KCMF1: variants seen among roughly 807,000 people sequenced by gnomAD.
KCMF1 encodes the protein potassium channel modulatory factor 1, also known as E3 ubiquitin-protein ligase KCMF1.
KCMF1 carries 3 observed loss-of-function variants against 41.1 expected under a neutral mutation model. That is an observed-to-expected ratio of 0.07 (90% CI 0.03 to 0.19). The LOEUF is 0.19. KCMF1 is among the 10% of genes least tolerant of loss of function. The pLI, the probability that KCMF1 is intolerant of heterozygous loss-of-function variation, is 1.00. For synonymous variants in KCMF1, 142 were observed against 164.5 expected (o/e 0.86, Z 1.04); for missense variants, 286 against 488.9 (o/e 0.58, Z 3.91).
At chr2:85,005,341 T>C (rs1426682952) in intron 1 of KCMF1, among the ~76,000 whole-genome samples, 1 of 151,934 alleles carries the variant, frequency 6.6e-6, no homozygotes, top group African/African-American at 2.4e-5. Flanking sequence ...CAGGCTGGAG[T>C]GCAGTGGCAC....
chr2:84,974,131 G>A (rs1219633014), intron 1 of KCMF1, among the ~76,000 whole-genome samples: 1 of 152,018 alleles, frequency 6.6e-6, no homozygotes, highest in Non-Finnish European at 1.5e-5. Flanking sequence ...CCCAGCCTCC[G>A]TGTTTCTTTA....
intron 1 of KCMF1, among the ~76,000 whole-genome samples, chr2:84,996,839 T>C (rs1674188238): frequency 6.6e-6 from 1 of 152,170 alleles, no homozygotes; most frequent in South Asian, 2.1e-4. Flanking sequence ...GGATACGTGC[T>C]GAGAAATGCA....
intron 1 of KCMF1, among the ~76,000 whole-genome samples, chr2:84,989,712 A>C (rs544717608): frequency 6.6e-6 from 1 of 152,316 alleles, no homozygotes; most frequent in East Asian, 1.9e-4. Flanking sequence ...GTTGCCATTC[A>C]TCATGATGCA....
chr2:85,001,250 C>CA (rs1227256781), intron 1 of KCMF1, among the ~76,000 whole-genome samples: 1 of 151,924 alleles, frequency 6.6e-6, no homozygotes. Flanking sequence ...CTCTGCCTCC[C>CA]AGGTTCAAGT....
intron 1 of KCMF1, among the ~76,000 whole-genome samples, chr2:84,977,386 C>T (rs1309969778): frequency 6.6e-6 from 1 of 152,148 alleles, no homozygotes; most frequent in Non-Finnish European, 1.5e-5. Flanking sequence ...ACTTATTGTA[C>T]TTTAACTGTA....
At chr2:85,036,104 T>C (rs931774143) in intron 3 of KCMF1, among the ~76,000 whole-genome samples, 5 of 152,170 alleles carry the variant, frequency 3.3e-5, no homozygotes, top group African/African-American at 9.7e-5. Context: ...GCATATAATA[T>C]AGGGTTACTT....
chr2:85,019,361 C>CTAA (rs1325877029), intron 1 of KCMF1, among the ~76,000 whole-genome samples: 1 of 152,100 alleles, frequency 6.6e-6, no homozygotes, highest in East Asian at 1.9e-4. Context: ...GAGAGTCATT[C>CTAA]TAAAGGGGAC....
chr2:84,992,327 C>G (rs1473822341), intron 1 of KCMF1, among the ~76,000 whole-genome samples: 1 of 152,062 alleles, frequency 6.6e-6, no homozygotes, highest in Non-Finnish European at 1.5e-5. Context: ...GCGATCTCGG[C>G]TCACTGCAAC....
intron 1 of KCMF1, among the ~76,000 whole-genome samples, chr2:84,993,709 G>A (rs1464084885): frequency 6.6e-6 from 1 of 151,546 alleles, no homozygotes; most frequent in African/African-American, 2.4e-5. Context: ...CCGAGTAGCT[G>A]GGATTACAGG....
At chr2:85,043,401 ACAGTTCTTG>A (rs1395764213) in intron 3 of KCMF1, among the ~76,000 whole-genome samples, 154 bp from the exon 4 acceptor site, 1 of 152,196 alleles carries the variant, frequency 6.6e-6, no homozygotes, top group East Asian at 1.9e-4. Context: ...CCTTGTGTGA[ACAGTTCTTG>A]CTTAGGTTTC....
rs143572132 is a variant in KCMF1 at position 85,056,102 on chromosome 2, C to T, written c.*2693C>T. 2.7e-5 allele frequency: 4 copies of T among 147,972 alleles called. No homozygotes were observed. The highest frequency in any genetic ancestry group is 6.7e-5 in the Admixed American group (1 of 14,988). The allele number at this position is 147,972 out of a possible 1,614,324, so 9.2% of individuals were successfully genotyped here. On this transcript the variant is annotated 3_prime_UTR_variant, in exon 7 of 7. Transcript: ENST00000409785. ...CCGTGAAATCTTTGTATTTATATTG[C>T]ATTGTTTTGTTAAAAAAAAAAAAAT...
At chr2:85,000,947 G>A (rs965829480) in intron 1 of KCMF1, among the ~76,000 whole-genome samples, 1 of 150,014 alleles carries the variant, frequency 6.7e-6, no homozygotes, top group Non-Finnish European at 1.5e-5. Flanking sequence ...CCCAGCTAAA[G>A]TTTTGGGTTT....
intron 2 of KCMF1, among the ~76,000 whole-genome samples, chr2:85,030,688 T>C (rs950206862): frequency 6.6e-6 from 1 of 152,170 alleles, no homozygotes; most frequent in African/African-American, 2.4e-5. Flanking sequence ...CACATTGATC[T>C]ATATGCCTGG....
At chr2:85,003,146 C>A (rs558591939) in intron 1 of KCMF1, among the ~76,000 whole-genome samples, 2 of 152,200 alleles carry the variant, frequency 1.3e-5, no homozygotes, top group East Asian at 3.9e-4. Flanking sequence ...ATTGTTTTAT[C>A]CAAAGGCAAA....
At chr2:84,972,979 C>T (rs1002995278) in intron 1 of KCMF1, among the ~76,000 whole-genome samples, 3 of 152,120 alleles carry the variant, frequency 2.0e-5, no homozygotes, top group Admixed American at 6.6e-5. Flanking sequence ...TCTGCTTAAT[C>T]GAAATGTATC....
Position 85,056,761 on chromosome 2 carries a change from T to C in KCMF1, c.*3352T>C, listed in dbSNP as rs1675941925. On this transcript the variant is annotated 3_prime_UTR_variant, in exon 7 of 7. Coordinates refer to ENST00000409785, the MANE Select transcript of KCMF1 (RefSeq NM_020122.5). ...CTAAGTGTGATGGAGGAATGGGTGCTAAAAGCTCTTAACAGTTTTGTAGAG... is the reference window on the plus strand; with the variant it reads ...CTAAGTGTGATGGAGGAATGGGTGCCAAAAGCTCTTAACAGTTTTGTAGAG... 6.6e-6 allele frequency: 1 copy of C among 152,008 alleles called. No homozygotes were observed. The highest frequency in any genetic ancestry group is 6.5e-5 in the Admixed American group (1 of 15,282). 9.4% of individuals were successfully genotyped at this position (152,008 alleles called of 1,614,324 possible).
chr2:85,037,579 C>T (rs1451577021), intron 3 of KCMF1, among the ~76,000 whole-genome samples: 1 of 152,162 alleles, frequency 6.6e-6, no homozygotes, highest in Non-Finnish European at 1.5e-5. Flanking sequence ...CCCTCTCACC[C>T]CTCAATGTTT....
intron 1 of KCMF1, among the ~76,000 whole-genome samples, chr2:84,990,176 C>T (rs1478348878): frequency 6.6e-6 from 1 of 152,174 alleles, no homozygotes; most frequent in African/African-American, 2.4e-5. Context: ...AAGGAGTGGG[C>T]TGGACCCAGA....
chr2:85,038,956 G>T (rs1675463648), intron 3 of KCMF1, among the ~76,000 whole-genome samples: 1 of 152,236 alleles, frequency 6.6e-6, no homozygotes, highest in Admixed American at 6.5e-5. Flanking sequence ...TTGTCTGCAA[G>T]TGATCCCCCT....
Sources: gnomAD v4.1 joint callset for allele counts (sites outside exome capture counted in the v4.1 genomes callset) on GRCh38, gnomAD v4.1.1 for gene constraint, MANE v1.5 for transcripts, NCBI Gene and HGNC (gene_info 2026-07-23, HGNC 2026-07-21) for gene names.